The following C10orf90 variants were observed in gnomAD, a reference collection of about 807,000 sequenced individuals.
The protein encoded by C10orf90 is chromosome 10 open reading frame 90, also known as (E2-independent) E3 ubiquitin-conjugating enzyme FATS.
In C10orf90, 56 loss-of-function variants were observed where a neutral mutation model predicts 62.5. That is an observed-to-expected ratio of 0.90 (90% CI 0.72 to 1.12). C10orf90 has a LOEUF of 1.12. C10orf90 is among the 50% of genes most tolerant of loss of function. C10orf90 has a pLI of 0.00. For missense variants in C10orf90, 970 were observed against 880.4 expected (o/e 1.10, Z -1.29); for synonymous variants, 386 against 340.4 (o/e 1.13, Z -1.47).
chr10:126,554,376 T>C (rs927290191), intron 2 of C10orf90, among the ~76,000 whole-genome samples: 2 of 152,054 alleles, frequency 1.3e-5, no homozygotes, highest in Non-Finnish European at 2.9e-5. Context: ...CTGGAGATAG[T>C]AGTTATGGAT....
At chr10:126,572,736 T>A (rs1008411051) in intron 2 of C10orf90, among the ~76,000 whole-genome samples, 22 of 152,168 alleles carry the variant, frequency 1.4e-4, no homozygotes, top group African/African-American at 5.3e-4. Flanking sequence ...TGTCTGGGAA[T>A]GCAGCACTGT....
At chr10:126,502,233 T>C (rs759316822) in intron 4 of C10orf90, among the ~76,000 whole-genome samples, 51 of 152,154 alleles carry the variant, frequency 3.4e-4, no homozygotes, top group Non-Finnish European at 4.7e-4. Flanking sequence ...CAAGAACCAC[T>C]TGTACTCCCA....
chr10:126,451,190 A>C (rs1859160704), intron 7 of C10orf90, among the ~76,000 whole-genome samples: 1 of 152,200 alleles, frequency 6.6e-6, no homozygotes, highest in Non-Finnish European at 1.5e-5. Context: ...AACTATAACA[A>C]GTGTTGGCAA....
intron 2 of C10orf90, among the ~76,000 whole-genome samples, chr10:126,616,297 C>T (rs1006938509): frequency 4.6e-5 from 7 of 152,286 alleles, no homozygotes; most frequent in Middle Eastern, 3.4e-3. Context: ...GGCCCTCTTC[C>T]GACAAGCAAT....
chr10:126,576,181 A>G (rs1433417388), intron 2 of C10orf90, among the ~76,000 whole-genome samples: 2 of 152,152 alleles, frequency 1.3e-5, no homozygotes, highest in African/African-American at 4.8e-5. Flanking sequence ...TTCATCCAAC[A>G]AGAGATTAAT....
intron 4 of C10orf90, among the ~76,000 whole-genome samples, chr10:126,483,500 G>T (rs1173143628): frequency 6.6e-6 from 1 of 152,204 alleles, no homozygotes; most frequent in Non-Finnish European, 1.5e-5. Context: ...AAAGCAGAAA[G>T]CTCATTTGCA....
chr10:126,575,732 T>C (rs1302160036), intron 2 of C10orf90, among the ~76,000 whole-genome samples: 3 of 151,912 alleles, frequency 2.0e-5, no homozygotes, highest in Admixed American at 6.6e-5. Flanking sequence ...TAAAAACAGA[T>C]ACATAGACCC....
At chr10:126,514,391 T>C (rs1173915684) in intron 2 of C10orf90, among the ~76,000 whole-genome samples, 2 of 152,212 alleles carry the variant, frequency 1.3e-5, no homozygotes, top group Admixed American at 6.5e-5. Context: ...GAAACTGATA[T>C]GAACACTGTT....
intron 2 of C10orf90, among the ~76,000 whole-genome samples, chr10:126,528,472 C>T (rs934230958): frequency 7.2e-5 from 11 of 152,270 alleles, no homozygotes; most frequent in African/African-American, 2.4e-4. Flanking sequence ...TACAGGAAAA[C>T]TGCTAGCCTA....
At chr10:126,540,123 A>G (rs1016730452) in intron 2 of C10orf90, among the ~76,000 whole-genome samples, 1 of 152,226 alleles carries the variant, frequency 6.6e-6, no homozygotes, top group African/African-American at 2.4e-5. Context: ...ATGGCAACAA[A>G]ATTATAAGAC....
intron 2 of C10orf90, among the ~76,000 whole-genome samples, chr10:126,612,166 C>A (rs947310109): frequency 6.6e-5 from 10 of 152,058 alleles, no homozygotes; most frequent in Non-Finnish European, 4.4e-5. Context: ...AATAAAAATA[C>A]AAAAATTAGC....
At chr10:126,617,614 C>A (rs1233940762) in intron 2 of C10orf90, among the ~76,000 whole-genome samples, 1 of 152,228 alleles carries the variant, frequency 6.6e-6, no homozygotes, top group African/African-American at 2.4e-5. Flanking sequence ...TCATTCTCTG[C>A]AAGAGCAGCA....
At chr10:126,583,842 G>A (rs1844802730) in intron 2 of C10orf90, among the ~76,000 whole-genome samples, 3 of 152,214 alleles carry the variant, frequency 2.0e-5, no homozygotes, top group African/African-American at 4.8e-5. Flanking sequence ...CTTGCTGGGT[G>A]CGGTGGCTTA....
chr10:126,433,075 T>C (rs1344245526), intron 7 of C10orf90, among the ~76,000 whole-genome samples: 5 of 152,108 alleles, frequency 3.3e-5, no homozygotes, highest in African/African-American at 1.2e-4. Flanking sequence ...TGGGGAAAGA[T>C]GGCAGCGTGC....
intron 1 of C10orf90, among the ~76,000 whole-genome samples, chr10:126,667,137 C>A (rs568778204): frequency 1.3e-5 from 2 of 151,944 alleles, no homozygotes; most frequent in African/African-American, 4.8e-5. Flanking sequence ...CGGCTCATTG[C>A]AAGCTCTGCC....
At chr10:126,454,023 G>A (rs1226727984) in intron 7 of C10orf90, among the ~76,000 whole-genome samples, 1 of 152,092 alleles carries the variant, frequency 6.6e-6, no homozygotes, top group Non-Finnish European at 1.5e-5. Flanking sequence ...CCCCAGCCTA[G>A]AAGGAGATAA....
At chr10:126,495,956 C>A (rs1411876467) in intron 4 of C10orf90, among the ~76,000 whole-genome samples, 1 of 152,164 alleles carries the variant, frequency 6.6e-6, no homozygotes, top group Non-Finnish European at 1.5e-5. Context: ...ACGTAAATTA[C>A]CTTGTAAAGG....
chr10:126,642,346 C>A (rs571996688), intron 2 of C10orf90, among the ~76,000 whole-genome samples: 364 of 152,112 alleles, frequency 2.4e-3, no homozygotes, highest in Middle Eastern at 0.014. Context: ...TCCTGGCTAA[C>A]ATGGTGAAAC....
chr10:126,428,663 AT>A (rs5788785), intron 8 of C10orf90, among the ~76,000 whole-genome samples: 46,238 of 151,914 alleles, frequency 0.3, 7,760 homozygotes, highest in Middle Eastern at 0.38. Context: ...TATTATTTTA[AT>A]TGCTTAGTTT....
Sources: allele counts gnomAD v4.1 joint callset (sites outside exome capture counted in the v4.1 genomes callset), GRCh38; gene constraint gnomAD v4.1.1; transcripts MANE v1.5; gene names NCBI Gene and HGNC (gene_info 2026-07-23, HGNC 2026-07-21).